The following PIEZO1 variants were observed in gnomAD, a reference collection of about 807,000 sequenced individuals.
The protein encoded by PIEZO1 is piezo type mechanosensitive ion channel component 1 (Er blood group).
In PIEZO1, 296 loss-of-function variants were observed where a neutral mutation model predicts 297.2. The ratio of observed to expected loss-of-function variants is 1.00; its 90% CI spans 0.91 to 1.10. The LOEUF is 1.10. PIEZO1 is among the 50% of genes least tolerant of loss of function. The pLI is 0.00. For synonymous variants in PIEZO1, 2,427 were observed against 1,507.5 expected (o/e 1.61, Z -14.13); for missense variants, 5,018 against 3,455.5 (o/e 1.45, Z -11.34).
chr16:88,735,618 T>C (rs945635812), intron 12 of PIEZO1, among the ~76,000 whole-genome samples: 2 of 152,254 alleles, frequency 1.3e-5, no homozygotes, highest in African/African-American at 4.8e-5. Context: ...GGTGCATATG[T>C]TGGCACACAG....
intron 1 of PIEZO1, among the ~76,000 whole-genome samples, chr16:88,758,995 C>T (rs569048644): frequency 6.6e-6 from 1 of 152,314 alleles, no homozygotes; most frequent in African/African-American, 2.4e-5. Flanking sequence ...CAAGCTGTTG[C>T]GTCTGCTCCT....
chr16:88,770,417 G>C (rs1567693911), intron 1 of PIEZO1, among the ~76,000 whole-genome samples: 1 of 152,240 alleles, frequency 6.6e-6, no homozygotes, highest in South Asian at 2.1e-4. Context: ...GTGGGGTGGG[G>C]GGACGGGAGC....
intron 1 of PIEZO1, among the ~76,000 whole-genome samples, chr16:88,757,327 T>TGTGGGGGGGGGGGGGGG (rs1906720534): frequency 7.0e-5 from 3 of 42,700 alleles, no homozygotes; most frequent in Non-Finnish European, 1.0e-4. Context: ...GGCGGGGGGG[T>TGTGGGGGGGGGGGGGGG]GGGGGGTAGT....
chr16:88,719,488 C>G (rs1047399813), intron 44 of PIEZO1, 86 bp downstream of exon 44: 24 of 1,330,600 alleles, frequency 1.8e-5, no homozygotes, highest in East Asian at 5.0e-5. Context: ...TCCAGCACCA[C>G]GGGTTCTCGT....
chr16:88,738,930 T>C, intron 5 of PIEZO1, 194 bp from the exon 6 acceptor site: 1 of 598,212 alleles, frequency 1.7e-6, no homozygotes, highest in East Asian at 2.8e-5. Flanking sequence ...ACTTCCTCAC[T>C]CAAGCTCACA....
chr16:88,719,503 G>A (rs916936006), intron 44 of PIEZO1, 71 bp downstream of exon 44: 14 of 1,420,170 alleles, frequency 9.9e-6, no homozygotes, highest in South Asian at 5.1e-5. Context: ...TCTCGTGGCA[G>A]CAGTGCCTCT....
chr16:88,743,412 C>T (rs1196178048), intron 2 of PIEZO1: 1 of 441,196 alleles, frequency 2.3e-6, no homozygotes, highest in Admixed American at 2.4e-5. Flanking sequence ...GCAACTCCTG[C>T]ACCACCAGCC....
At position 88,716,843 on chromosome 16, in the gene PIEZO1, G is replaced by A; in HGVS notation, c.6716C>T (p.Ala2239Val). 1 of 1,550,120 alleles carries A rather than the reference G, an allele frequency of 6.5e-7. No homozygotes were observed. Among genetic ancestry groups the A allele is most frequent in the East Asian group, 2.4e-5 (1 of 40,928 alleles). ...QPSIIPFTAQAYEELSRQFDP... is the reference protein window; with the variant it reads ...QPSIIPFTAQVYEELSRQFDP... ...AAACTGCCGGGACAGCTCCTCATAG[G>A]CCTGGGCCGTGAAGGGGATGATGGA... is the stretch of plus-strand genomic sequence containing the variant. Residue 2239 changes from alanine (A) to valine (V), a missense_variant, in exon 46 of 51, where the codon GCC (alanine) becomes GTC (valine). By Grantham distance (64) the Ala-to-Val change is moderately conservative. Coordinates refer to ENST00000301015, the MANE Select transcript of PIEZO1 (RefSeq NM_001142864.4).
At position 88,722,939 on chromosome 16, in the gene PIEZO1, C is replaced by T. The variant is rs1181097466; in HGVS notation, c.4566G>A (p.Val1522=). ...CCTGCAGCCAGCGTGTCAGCTCATCCACTAGCGCCTGCCCCAGCATCCACA... is the reference window on the plus strand; with the variant it reads ...CCTGCAGCCAGCGTGTCAGCTCATCTACTAGCGCCTGCCCCAGCATCCACA... ...QFLWMLGQAL[V]DELTRWLQEF... The change falls in exon 34 of 51, where the codon GTG becomes GTA. Residue 1522 remains valine, a synonymous_variant. Coordinates refer to ENST00000301015, the MANE Select transcript of PIEZO1 (RefSeq NM_001142864.4). The T allele has an allele frequency of 1.9e-6, 3 of 1,549,232 alleles. No homozygotes were observed. The highest frequency in any genetic ancestry group is 3.9e-5 in the Admixed American group (2 of 50,982).
chr16:88,734,003 A>T lies in PIEZO1; in HGVS notation c.2232T>A (p.His744Gln). Reference protein sequence around the residue: ...TPLLREEQQEHQQQQQEEEEE... With the variant: ...TPLLREEQQEQQQQQQEEEEE... ...CCTCCTCCTCCTGCTGCTGCTGCTG[A>T]TGCTCCTGCTGCTCCTCCCGCAGCA... Residue 744 changes from histidine (H) to glutamine (Q), a missense_variant, in exon 17 of 51, where the codon CAT becomes CAA. Physicochemically the swap from His to Gln is conservative, Grantham distance 24 (BLOSUM62 0). Transcript: ENST00000301015. The T allele has an allele frequency of 6.5e-7, 1 of 1,544,968 alleles. No homozygotes were observed. The highest frequency in any genetic ancestry group is 2.0e-5 in the Admixed American group (1 of 50,782).
intron 30 of PIEZO1, among the ~76,000 whole-genome samples, chr16:88,724,187 G>C (rs1303557942): frequency 6.6e-6 from 1 of 152,224 alleles, no homozygotes; most frequent in Non-Finnish European, 1.5e-5. Context: ...GTGCAGAGTG[G>C]GCCGACTGCA....
At chr16:88,722,528 G>A (rs1904287387) in intron 35 of PIEZO1, 55 bp downstream of exon 35, 18 of 1,437,018 alleles carry the variant, frequency 1.3e-5, no homozygotes, top group Non-Finnish European at 1.7e-5. Flanking sequence ...GGATGGCTAG[G>A]CGATGCCCAC....
intron 22 of PIEZO1, chr16:88,731,493 AG>A: frequency 1.7e-6 from 1 of 576,934 alleles, no homozygotes; most frequent in Non-Finnish European, 3.1e-6. Flanking sequence ...AAAGGAAAAG[AG>A]AACAGCAGAG....
At position 88,721,823 on chromosome 16, in the gene PIEZO1, G is replaced by GAA; in HGVS notation, c.5198_5199insTT (p.Ile1734SerfsTer188). ...CTCGGCCCACCTCGGTGAAGACGAT[G>GAA]GCCGTCATCCAGAAGCGCTTGCTGG... On this transcript the variant is annotated frameshift_variant, in exon 37 of 51. Transcript: ENST00000301015. LOFTEE classifies it high-confidence loss of function. 1 of 1,546,952 alleles carries GAA rather than the reference G, an allele frequency of 6.5e-7. No individual in the cohort carries two copies. The highest frequency in any genetic ancestry group is 2.4e-5 in the East Asian group (1 of 40,878).
rs1415867057 is a variant in PIEZO1, at chr16:88,721,445, G to A, written c.5404-15C>T. The A allele has an allele frequency of 2.6e-6, 4 of 1,542,446 alleles. No homozygotes were observed. The highest frequency in any genetic ancestry group is 1.4e-5 in the African/African-American group (1 of 72,844). Reference sequence around the variant, plus strand: ...AGGCCATAGCACTGAGGGGCGGGAGGGTGTGGTGAGGGGGCCTTGCCTCCC... The same window carrying A: ...AGGCCATAGCACTGAGGGGCGGGAGAGTGTGGTGAGGGGGCCTTGCCTCCC... On this transcript the variant is annotated splice_polypyrimidine_tract_variant and intron_variant, in intron 38 of 50. Transcript: ENST00000301015.
In PIEZO1 at chr16:88,720,762, C is replaced by G; in HGVS notation, c.5669-14G>C. The G allele has an allele frequency of 6.8e-7, 1 of 1,471,024 alleles. No individual in the cohort carries two copies. The highest frequency in any genetic ancestry group is 9.0e-7 in the Non-Finnish European group (1 of 1,112,066). The allele number at this position is 1,471,024 out of a possible 1,614,324, so 91.1% of individuals were successfully genotyped here. ...TGTCCTCAGCTTCTGTAGGGAAAAG[C>G]TGACTTCTGCCTGGGCCCCCTGGGG... On this transcript the variant is annotated splice_polypyrimidine_tract_variant and intron_variant, in intron 39 of 50. Transcript: ENST00000301015.
intron 22 of PIEZO1, among the ~76,000 whole-genome samples, chr16:88,728,568 CTCGATGT>C: frequency 1.0e-5 from 1 of 99,284 alleles, no homozygotes; most frequent in Non-Finnish European, 2.0e-5. Context: ...CAAAGTGACC[CTCGATGT>C]TGGGGAACCC....
chr16:88,755,238 A>G (rs1906595730), intron 1 of PIEZO1, among the ~76,000 whole-genome samples: 1 of 152,230 alleles, frequency 6.6e-6, no homozygotes, highest in Non-Finnish European at 1.5e-5. Context: ...GCTCGGGCCT[A>G]GCTGGCTGTG....
intron 23 of PIEZO1, 104 bp from the exon 24 acceptor site, chr16:88,727,296 C>T: frequency 7.6e-7 from 1 of 1,307,550 alleles, no homozygotes; most frequent in South Asian, 1.5e-5. Context: ...CGTGCAGCCG[C>T]TGGGAGCGGA....
Sources: gnomAD v4.1 joint callset for allele counts (sites outside exome capture counted in the v4.1 genomes callset) on GRCh38, gnomAD v4.1.1 for gene constraint, MANE v1.5 for transcripts, NCBI Gene and HGNC (gene_info 2026-07-23, HGNC 2026-07-21) for gene names.